KLHL29: variants seen among roughly 807,000 people sequenced by gnomAD.
KLHL29 encodes kelch-like protein 29.
Under a neutral mutation model 80.4 loss-of-function variants are expected in KLHL29, and 21 were observed. That is an observed-to-expected ratio of 0.26 (90% CI 0.19 to 0.38). KLHL29 has a LOEUF of 0.38. KLHL29 is among the 10% of genes least tolerant of loss of function. The probability of loss-of-function intolerance (pLI) is 1.00; values close to 1 mark genes in which losing one functional copy is unlikely to be tolerated. For missense variants in KLHL29, 867 were observed against 1,223.9 expected (o/e 0.71, Z 4.35); for synonymous variants, 511 against 526.8 (o/e 0.97, Z 0.41).
chr2:23,397,328 G>A (rs998423629), intron 1 of KLHL29, among the ~76,000 whole-genome samples: 5 of 152,230 alleles, frequency 3.3e-5, no homozygotes, highest in Admixed American at 2.0e-4. Flanking sequence ...GCTTTTCAGA[G>A]CTACGGCCCT....
At chr2:23,439,695 T>G (rs1221892884) in intron 1 of KLHL29, among the ~76,000 whole-genome samples, 2 of 151,508 alleles carry the variant, frequency 1.3e-5, no homozygotes, top group African/African-American at 4.8e-5. Context: ...ATAATTTCTG[T>G]TCTTTTACAT....
intron 1 of KLHL29, among the ~76,000 whole-genome samples, chr2:23,440,313 A>G (rs936924629): frequency 2.0e-5 from 3 of 151,980 alleles, no homozygotes; most frequent in Non-Finnish European, 4.4e-5. Context: ...CTTACACCTT[A>G]TACAAAAATT....
At chr2:23,509,975 T>C (rs1226839305) in intron 2 of KLHL29, among the ~76,000 whole-genome samples, 1 of 152,220 alleles carries the variant, frequency 6.6e-6, no homozygotes, top group African/African-American at 2.4e-5. Flanking sequence ...TTGATTTATA[T>C]TCCAAAAAAG....
intron 2 of KLHL29, among the ~76,000 whole-genome samples, chr2:23,499,078 T>G (rs937662121): frequency 6.6e-6 from 1 of 152,222 alleles, no homozygotes; most frequent in Non-Finnish European, 1.5e-5. Flanking sequence ...CCTAAAGCCC[T>G]TTTCTCTCTT....
chr2:23,432,181 C>A (rs1663200596), intron 1 of KLHL29, among the ~76,000 whole-genome samples: 1 of 152,120 alleles, frequency 6.6e-6, no homozygotes, highest in South Asian at 2.1e-4. Context: ...GTGGAATCTG[C>A]TTTTTTCACT....
chr2:23,452,237 G>A (rs1663903054), intron 1 of KLHL29, among the ~76,000 whole-genome samples: 1 of 150,608 alleles, frequency 6.6e-6, no homozygotes, highest in South Asian at 2.1e-4. Context: ...GTCCAGGCTG[G>A]TCTCCAGTTC....
intron 3 of KLHL29, among the ~76,000 whole-genome samples, chr2:23,623,334 C>T (rs542690889): frequency 6.6e-6 from 1 of 152,302 alleles, no homozygotes; most frequent in South Asian, 2.1e-4. Flanking sequence ...CAGGTTTACA[C>T]GTTAGTGGCA....
chr2:23,388,989 C>CTTCTTCTTT (rs759353519), intron 1 of KLHL29, among the ~76,000 whole-genome samples: 2 of 106,882 alleles, frequency 1.9e-5, no homozygotes, highest in African/African-American at 7.5e-5. Flanking sequence ...CTTTCTTCTT[C>CTTCTTCTTT]TTTTTTTTTT....
intron 3 of KLHL29, among the ~76,000 whole-genome samples, chr2:23,606,934 G>A (rs613117): frequency 0.24 from 36,942 of 152,138 alleles, 4,746 homozygotes; most frequent in Middle Eastern, 0.4. Context: ...TCAAGGCACC[G>A]GCCAATGTGG....
intron 1 of KLHL29, among the ~76,000 whole-genome samples, chr2:23,451,060 A>G (rs1469976): frequency 0.15 from 22,232 of 152,126 alleles, 2,779 homozygotes; most frequent in African/African-American, 0.32. Flanking sequence ...TTTGTGACTT[A>G]ATTCTTTCAC....
chr2:23,640,004 C>A (rs568946319), intron 4 of KLHL29, among the ~76,000 whole-genome samples: 11 of 152,302 alleles, frequency 7.2e-5, no homozygotes, highest in Non-Finnish European at 1.3e-4. Context: ...GTCTGCCCGG[C>A]ACATGCTTCC....
At chr2:23,698,739 G>A (rs1032640747) in intron 11 of KLHL29, among the ~76,000 whole-genome samples, 4 of 152,102 alleles carry the variant, frequency 2.6e-5, no homozygotes, top group African/African-American at 7.2e-5. Flanking sequence ...ATAGCAGAAC[G>A]CCTCACTCGG....
At position 23,647,954 on chromosome 2, in the gene KLHL29, G is replaced by A. The variant is rs555252108; in HGVS notation, c.940+5104G>A. ...CAGCACTCAGAGATGCCCCAGAAGC[G>A]TCTGATGAATGTGGGCACAAAGCAC... On this transcript the variant is annotated intron_variant, in intron 5 of 13. Coordinates refer to ENST00000486442, the MANE Select transcript of KLHL29 (RefSeq NM_052920.2). This position sits in a 1 kb window ranked among gnomAD's most constrained non-coding sequence, Gnocchi z 4.9. 6.6e-6 allele frequency among the ~76,000 whole-genome samples: 1 copy of A among 152,038 alleles called. No individual in the cohort carries two copies. Among genetic ancestry groups the A allele is most frequent in the East Asian group, 1.9e-4 (1 of 5,178 alleles).
chr2:23,443,060 C>T (rs1039927174), intron 1 of KLHL29, among the ~76,000 whole-genome samples: 1 of 152,128 alleles, frequency 6.6e-6, no homozygotes. Flanking sequence ...TCCCCTTTCC[C>T]TTCCCCAATT....
At chr2:23,398,252 A>T (rs1176000308) in intron 1 of KLHL29, among the ~76,000 whole-genome samples, 2 of 152,360 alleles carry the variant, frequency 1.3e-5, no homozygotes. Flanking sequence ...AATACACTAG[A>T]TACATACAAT....
intron 1 of KLHL29, among the ~76,000 whole-genome samples, chr2:23,440,930 A>T (rs1479459640): frequency 4.6e-5 from 7 of 152,236 alleles, no homozygotes; most frequent in Non-Finnish European, 8.8e-5. Context: ...GCAATTCCTC[A>T]GGGATCTGGA....
intron 1 of KLHL29, among the ~76,000 whole-genome samples, chr2:23,406,513 A>G (rs1315745984): frequency 6.6e-6 from 1 of 152,150 alleles, no homozygotes; most frequent in Non-Finnish European, 1.5e-5. Context: ...GTAATTGAAA[A>G]TTACTCTTAA....
chr2:23,505,915 TC>T (rs1354552719), intron 2 of KLHL29, among the ~76,000 whole-genome samples: 4 of 151,934 alleles, frequency 2.6e-5, no homozygotes, highest in Admixed American at 1.3e-4. Flanking sequence ...GCGTTGGGGG[TC>T]TCTGAAGAGG....
rs1177439347 is a variant in KLHL29, at chr2:23,684,865, T to G, written c.1079+328T>G. On this transcript the variant is annotated intron_variant, in intron 6 of 13. Coordinates refer to ENST00000486442, the MANE Select transcript of KLHL29 (RefSeq NM_052920.2). The surrounding 1 kb of genome is among the most constrained non-coding windows in gnomAD (Gnocchi z 4.4). The stretch of plus-strand genomic sequence containing the variant: ...GTGGCTCACAAGCTGTCCCTGAGAT[T>G]AGGGGGGACTGTAGGCTCCATTTTA... Among the ~76,000 whole-genome samples the G allele has an allele frequency of 6.6e-6, 1 of 152,062 alleles. No individual in the cohort carries two copies. Among genetic ancestry groups the G allele is most frequent in the Non-Finnish European group, 1.5e-5 (1 of 68,008 alleles).
Sources: allele counts gnomAD v4.1 joint callset (sites outside exome capture counted in the v4.1 genomes callset), GRCh38; gene constraint gnomAD v4.1.1; non-coding constraint Gnocchi (gnomAD v3.1); transcripts MANE v1.5; gene names NCBI Gene and HGNC (gene_info 2026-07-23, HGNC 2026-07-21).